The following PPFIBP2 variants were observed in gnomAD, a reference collection of about 807,000 sequenced individuals.
The protein encoded by PPFIBP2 is liprin-beta-2.
PPFIBP2 carries 118 observed loss-of-function variants against 118.3 expected under a neutral mutation model. That is an observed-to-expected ratio of 1.00 (90% CI 0.86 to 1.16). The LOEUF (loss-of-function observed/expected upper bound fraction) is 1.16. PPFIBP2 is among the 50% of genes most tolerant of loss of function. The probability of loss-of-function intolerance (pLI) is 0.00; values close to 1 mark genes in which losing one functional copy is unlikely to be tolerated. For missense variants in PPFIBP2, 1,195 were observed against 1,073.1 expected, an observed-to-expected ratio of 1.11 and a Z score of -1.59; for synonymous variants, 414 against 397.4, an observed-to-expected ratio of 1.04 and a Z score of -0.50.
chr11:7,572,490 G>A (rs564167636), intron 3 of PPFIBP2, among the ~76,000 whole-genome samples: 8 of 152,166 alleles, frequency 5.3e-5, no homozygotes, highest in Non-Finnish European at 1.0e-4. Flanking sequence ...AAATGACCAA[G>A]AATGTGCAAA....
At chr11:7,563,739 G>A (rs1483158646) in intron 2 of PPFIBP2, among the ~76,000 whole-genome samples, 3 of 152,162 alleles carry the variant, frequency 2.0e-5, no homozygotes, top group African/African-American at 7.2e-5. Flanking sequence ...ATTTTCTAAA[G>A]TGTTTCTTAC....
At chr11:7,525,414 A>G (rs1850135925) in intron 1 of PPFIBP2, among the ~76,000 whole-genome samples, 1 of 151,650 alleles carries the variant, frequency 6.6e-6, no homozygotes, top group Non-Finnish European at 1.5e-5. Context: ...GAAGCTTGAG[A>G]GAAATCATTT....
chr11:7,527,727 G>C (rs11041428), intron 1 of PPFIBP2, among the ~76,000 whole-genome samples: 66,950 of 151,884 alleles, frequency 0.44, 15,184 homozygotes, highest in African/African-American at 0.52. Context: ...AGAGTTGCCC[G>C]TTTCTATGGG....
At position 7,540,159 on chromosome 11, in the gene PPFIBP2, A is replaced by G. The variant is rs962655683; in HGVS notation, c.-36-9281A>G. ...CCCCTTTGTTGCCTGAGTGATAGAAAGCTGGTGAAGCGTTGTGAATGCTGG... is the reference window on the plus strand; with the variant it reads ...CCCCTTTGTTGCCTGAGTGATAGAAGGCTGGTGAAGCGTTGTGAATGCTGG... On this transcript the variant is annotated intron_variant, in intron 1 of 23. Transcript: ENST00000299492. Among the ~76,000 whole-genome samples, 3 of 152,228 alleles carry G rather than the reference A, an allele frequency of 2.0e-5. No homozygotes were observed. The East Asian group carries it at 5.8e-4, about 29-fold the overall frequency.
chr11:7,643,600 C>T (rs1461364374), intron 17 of PPFIBP2, among the ~76,000 whole-genome samples: 2 of 152,130 alleles, frequency 1.3e-5, no homozygotes, highest in African/African-American at 2.4e-5. Flanking sequence ...TTATGTTTAT[C>T]GTAATGGTGC....
chr11:7,546,652 C>T (rs1350399177), intron 1 of PPFIBP2, among the ~76,000 whole-genome samples: 1 of 152,244 alleles, frequency 6.6e-6, no homozygotes, highest in Non-Finnish European at 1.5e-5. Context: ...CCATGGAAGG[C>T]TTTGACTCAT....
At chr11:7,515,846 G>A (rs1210838534) in intron 1 of PPFIBP2, among the ~76,000 whole-genome samples, 2 of 152,180 alleles carry the variant, frequency 1.3e-5, no homozygotes, top group Non-Finnish European at 2.9e-5. Flanking sequence ...AGAAAATCCA[G>A]TAAATATTTG....
intron 3 of PPFIBP2, among the ~76,000 whole-genome samples, chr11:7,581,154 T>TA (rs1857210471): frequency 6.6e-6 from 1 of 152,164 alleles, no homozygotes; most frequent in Admixed American, 6.5e-5. Flanking sequence ...AGCCTAGGGA[T>TA]AAGGTAGTCT....
chr11:7,522,671 G>A (rs1849862298), intron 1 of PPFIBP2, among the ~76,000 whole-genome samples: 1 of 152,182 alleles, frequency 6.6e-6, no homozygotes, highest in South Asian at 2.1e-4. Context: ...GCTAAGGCTG[G>A]AGTCTTATAG....
intron 5 of PPFIBP2, among the ~76,000 whole-genome samples, chr11:7,608,652 C>G (rs1431148774): frequency 6.6e-6 from 1 of 152,176 alleles, no homozygotes; most frequent in Non-Finnish European, 1.5e-5. Flanking sequence ...AAAAAACAAA[C>G]AAACAAACAA....
chr11:7,665,473 C>G, the PPFIBP2 span: 53 of 1,613,790 alleles, frequency 3.3e-5, no homozygotes, highest in Non-Finnish European at 4.4e-5. Context: ...CCAGGATGAG[C>G]GTGGACTTCG....
downstream of PPFIBP2, chr11:7,656,798 A>G: frequency 7.8e-7 from 1 of 1,289,772 alleles, no homozygotes; most frequent in Non-Finnish European, 1.0e-6. Context: ...ACTGGAGATG[A>G]CTTTCTTCGT....
intron 11 of PPFIBP2, 95 bp from the exon 12 acceptor site, chr11:7,632,772 T>C: frequency 1.0e-6 from 1 of 961,602 alleles, no homozygotes; most frequent in Non-Finnish European, 1.7e-6. Flanking sequence ...GGAGGAAATG[T>C]CTCCCTAAAA....
downstream of PPFIBP2, among the ~76,000 whole-genome samples, chr11:7,661,067 T>TATCA (rs538165604): frequency 2.5e-4 from 38 of 152,184 alleles, no homozygotes; most frequent in South Asian, 7.1e-3. Flanking sequence ...GCTAGCAGTC[T>TATCA]ATCAATTTTG....
At chr11:7,660,655 G>T (rs1323340989), downstream of PPFIBP2, among the ~76,000 whole-genome samples, 2 of 151,332 alleles carry the variant, frequency 1.3e-5, no homozygotes, top group East Asian at 3.9e-4. Context: ...AATGATGCTG[G>T]CCTCATAAAA....
chr11:7,625,768 C>T lies in PPFIBP2; in HGVS notation c.712-9C>T, dbSNP rs745479329. The T allele has an allele frequency of 1.2e-6, 2 of 1,612,778 alleles. No homozygotes were observed. Among genetic ancestry groups the T allele is most frequent in the Non-Finnish European group, 1.7e-6 (2 of 1,178,906 alleles). The stretch of plus-strand genomic sequence containing the variant: ...CTGACCTGGTAGGGATCCTCTGTTG[C>T]TCTTCCAGGCTGAAGTCGCCCAGCT... On this transcript the variant is annotated splice_polypyrimidine_tract_variant and intron_variant, in intron 7 of 23. Transcript: ENST00000299492.
At chr11:7,534,799 C>G (rs540276410) in intron 1 of PPFIBP2, among the ~76,000 whole-genome samples, 5 of 152,344 alleles carry the variant, frequency 3.3e-5, no homozygotes, top group East Asian at 3.9e-4. Flanking sequence ...TTAATTTACT[C>G]TGGCAGGCAT....
intron 1 of PPFIBP2, among the ~76,000 whole-genome samples, chr11:7,532,241 C>T (rs944382611): frequency 1.3e-5 from 2 of 152,206 alleles, no homozygotes; most frequent in East Asian, 3.8e-4. Flanking sequence ...AGTACACCAC[C>T]TATTGGATTA....
intron 3 of PPFIBP2, chr11:7,569,205 A>G (rs961537322): frequency 1.3e-5 from 2 of 152,422 alleles, no homozygotes; most frequent in South Asian, 4.1e-4. Flanking sequence ...TCTTTGTGGT[A>G]GGGCTGGTTC....
Sources: gnomAD v4.1 joint callset for allele counts (sites outside exome capture counted in the v4.1 genomes callset) on GRCh38, gnomAD v4.1.1 for gene constraint, MANE v1.5 for transcripts, NCBI Gene and HGNC (gene_info 2026-07-23, HGNC 2026-07-21) for gene names.